The following FAM83C variants were observed in gnomAD, a reference collection of about 807,000 sequenced individuals.
The protein encoded by FAM83C is scaffolding CK1 anchoring protein C, also known as protein FAM83C.
In FAM83C, 23 loss-of-function variants were observed where a neutral mutation model predicts 27.1. The observed-to-expected ratio is 0.85, with a 90% CI of 0.61 to 1.20. The LOEUF is 1.20. FAM83C is among the 50% of genes most tolerant of loss of function. The pLI, the probability that FAM83C is intolerant of heterozygous loss-of-function variation, is 0.00. For synonymous variants in FAM83C, 426 were observed against 423.1 expected (o/e 1.01, Z -0.09); for missense variants, 984 against 1,001.3 (o/e 0.98, Z 0.23).
In FAM83C at chr20:35,286,574, CTTG is replaced by C. The variant is rs759373485; in HGVS notation, c.2202_2204del (p.Asn734del). On this transcript the variant is annotated inframe_deletion, in exon 4 of 4. Coordinates refer to ENST00000374408, the MANE Select transcript of FAM83C (RefSeq NM_178468.6). ...GGCTTCGGAGCTGCTTGAACTTGGA[CTTG>C]TTGTACTTAGTGATGAGGTCCAGTT... The C allele has an allele frequency of 1.8e-5, 29 of 1,613,844 alleles. No homozygotes were observed. The highest frequency in any genetic ancestry group is 8.0e-5 in the African/African-American group (6 of 74,920).
rs765952343 is a variant in FAM83C at position 35,292,083 on chromosome 20, G to C, written c.222C>G (p.Ser74Arg). The change falls in exon 1 of 4, where the codon AGC (serine) becomes AGG (arginine). Residue 74 changes from serine (S) to arginine (R), a missense_variant. Ser to Arg is a moderately radical substitution (Grantham distance 110, BLOSUM62 -1). Transcript: ENST00000374408. ...TGGTCATGTAGTCCACATCCAGGGC[G>C]CTCAGGAAGGGCAGCTCCCGCTCCT... The part of the protein sequence containing the change: ...ISEERELPFL[S>R]ALDVDYMTSH... 3.7e-6 allele frequency: 6 copies of C among 1,609,252 alleles called. No individual in the cohort carries two copies. Among genetic ancestry groups the C allele is most frequent in the Non-Finnish European group, 5.1e-6 (6 of 1,179,942 alleles).
intron 3 of FAM83C, 81 bp from the exon 4 acceptor site, chr20:35,288,053 A>C: frequency 3.2e-6 from 4 of 1,244,774 alleles, no homozygotes; most frequent in Non-Finnish European, 4.5e-6. Flanking sequence ...AGGGGTGCAT[A>C]CCTGGTCCAG....
chr20:35,288,346 G>C, intron 3 of FAM83C, 115 bp downstream of exon 3: 1 of 1,531,920 alleles, frequency 6.5e-7, no homozygotes, highest in Admixed American at 1.9e-5. Flanking sequence ...CATGATGCCT[G>C]GCACATGGCA....
intron 1 of FAM83C, 47 bp from the exon 2 acceptor site, chr20:35,289,005 C>G (rs936556884): frequency 6.4e-7 from 1 of 1,574,116 alleles, no homozygotes; most frequent in Non-Finnish European, 8.6e-7. Context: ...CCAGGGCACT[C>G]CCCACATCCA....
chr20:35,287,803 G>T lies in FAM83C; in HGVS notation c.976C>A (p.Pro326Thr), dbSNP rs548637692. 30 of 1,598,948 alleles carry T rather than the reference G, an allele frequency of 1.9e-5. No individual in the cohort carries two copies. The highest frequency in any genetic ancestry group is 2.2e-5 in the South Asian group (2 of 89,266). Residue 326 changes from proline (P) to threonine (T), a missense_variant, in exon 4 of 4, where the codon CCT becomes ACT. Transcript: ENST00000374408. ...PLSPRALRPP[P>T]VALAFRPDVP... Reference sequence around the variant, plus strand: ...TCAGGCCTGAAGGCTAGGGCCACAGGGGGAGGACGCAGTGCCCGGGGAGAC... The same window carrying T: ...TCAGGCCTGAAGGCTAGGGCCACAGTGGGAGGACGCAGTGCCCGGGGAGAC...
At position 35,287,627 on chromosome 20, in the gene FAM83C, G is replaced by A; in HGVS notation, c.1152C>T (p.Ala384=). The change falls in exon 4 of 4, where the codon GCC becomes GCT. Residue 384 remains alanine, a synonymous_variant. Coordinates refer to ENST00000374408, the MANE Select transcript of FAM83C (RefSeq NM_178468.6). ...AGGGCTGGCCACTGGCCTCACGGCG[G>A]GCAGGACCCAGGGACGAGGACACCA... The part of the protein sequence containing the change: ...TGVVSSSLGP[A]RREASGQPSL... 6.2e-7 allele frequency: 1 copy of A among 1,614,008 alleles called. No homozygotes were observed. Among genetic ancestry groups the A allele is most frequent in the Non-Finnish European group, 8.5e-7 (1 of 1,179,948 alleles).
chr20:35,287,967 G>A lies in FAM83C; in HGVS notation c.812C>T (p.Thr271Ile). 6.4e-7 allele frequency: 1 copy of A among 1,562,886 alleles called. No individual in the cohort carries two copies. Among genetic ancestry groups the A allele is most frequent in the Non-Finnish European group, 8.7e-7 (1 of 1,152,664 alleles). The change falls in exon 4 of 4, where the codon ACC (threonine) becomes ATC (isoleucine). Residue 271 changes from threonine (T) to isoleucine (I), a missense_variant. Transcript: ENST00000374408. ...EQVVAGSYSF[T>I]WLCSQAHTSM... ...AGTGTGGGCCTGGCTGCAAAGCCAGGTGAAGCTGGGGGCAGAGGGACAGGG... is the reference window on the plus strand; with the variant it reads ...AGTGTGGGCCTGGCTGCAAAGCCAGATGAAGCTGGGGGCAGAGGGACAGGG...
rs138143239 is a variant in FAM83C, at chr20:35,287,692, G to A, written c.1087C>T (p.Leu363Phe). ...CAATCACCACCTCCTGGTAGAGCGAGGTAGGAGGAGCGACCCATAAGCGGT... is the reference window on the plus strand; with the variant it reads ...CAATCACCACCTCCTGGTAGAGCGAAGTAGGAGGAGCGACCCATAAGCGGT... ...QSPLMGRSSYLALPGGGDCSD... is the reference protein window; with the variant it reads ...QSPLMGRSSYFALPGGGDCSD... The change falls in exon 4 of 4, where the codon CTC becomes TTC. Residue 363 changes from leucine (L) to phenylalanine (F), a missense_variant. Leu to Phe is a conservative substitution (Grantham distance 22, BLOSUM62 0). Coordinates refer to ENST00000374408, the MANE Select transcript of FAM83C (RefSeq NM_178468.6). The A allele has an allele frequency of 1.9e-6, 3 of 1,614,088 alleles. No homozygotes were observed. The highest frequency in any genetic ancestry group is 1.7e-6 in the Non-Finnish European group (2 of 1,179,974).
intron 1 of FAM83C, among the ~76,000 whole-genome samples, chr20:35,290,172 C>G (rs1413221509): frequency 6.6e-6 from 1 of 152,202 alleles, no homozygotes; most frequent in African/African-American, 2.4e-5. Flanking sequence ...CAAATGGATC[C>G]AAGTTTTCTG....
Position 35,287,763 on chromosome 20 carries a change from G to T in FAM83C, c.1016C>A (p.Thr339Lys), listed in dbSNP as rs145689843. 1.8e-4 allele frequency: 289 copies of T among 1,612,730 alleles called. No homozygotes were observed. Among genetic ancestry groups the T allele is most frequent in the Middle Eastern group, 3.3e-4 (2 of 6,084 alleles). Residue 339 changes from threonine (T) to lysine (K), a missense_variant, in exon 4 of 4, where the codon ACG becomes AAG. Transcript: ENST00000374408. ...GCTGGTGCTGGAGGGCAGGGACGAC[G>T]TGGGGCTTGGGACATCAGGCCTGAA... ...LAFRPDVPSP[T>K]SSLPSSTSLS...
chr20:35,291,813 G>A lies in FAM83C; in HGVS notation c.492C>T (p.Phe164=), dbSNP rs1169362877. Residue 164 remains phenylalanine (F), a synonymous_variant, in exon 1 of 4, where the codon TTC becomes TTT. Transcript: ENST00000374408. ...KAKNIKDLLR[F]LFSQAHTVVA... is the part of the protein sequence containing the mutation. Reference sequence around the variant, plus strand: ...TTACCGTGTGGGCCTGGCTGAAAAGGAAGCGCAGCAGGTCCTTGATGTTCT... The same window carrying A: ...TTACCGTGTGGGCCTGGCTGAAAAGAAAGCGCAGCAGGTCCTTGATGTTCT... The A allele has an allele frequency of 1.2e-6, 2 of 1,614,140 alleles. No individual in the cohort carries two copies. The highest frequency in any genetic ancestry group is 1.7e-6 in the Non-Finnish European group (2 of 1,180,042).
At chr20:35,291,320 A>G (rs2060846232) in intron 1 of FAM83C, among the ~76,000 whole-genome samples, 1 of 152,208 alleles carries the variant, frequency 6.6e-6, no homozygotes, top group Non-Finnish European at 1.5e-5. Context: ...CCTGAGCTCT[A>G]TGTCACCATA....
intron 2 of FAM83C, 93 bp downstream of exon 2, chr20:35,288,698 T>G: frequency 6.7e-7 from 1 of 1,482,978 alleles, no homozygotes; most frequent in Non-Finnish European, 9.2e-7. Context: ...CCACTCCCAG[T>G]GCCCCCCAGT....
At chr20:35,290,875 G>A (rs1004126243) in intron 1 of FAM83C, among the ~76,000 whole-genome samples, 4 of 152,196 alleles carry the variant, frequency 2.6e-5, no homozygotes, top group Non-Finnish European at 4.4e-5. Flanking sequence ...GGCTCTGGAA[G>A]TACCGGTGGG....
In FAM83C at chr20:35,286,415, GTCTGACCTGGGTT is replaced by G; in HGVS notation, c.*107_*119del. 1 of 858,402 alleles carries G rather than the reference GTCTGACCTGGGTT, an allele frequency of 1.2e-6. No individual in the cohort carries two copies. The allele number at this position is 858,402 out of a possible 1,614,324, so 53.2% of individuals were successfully genotyped here. On this transcript the variant is annotated 3_prime_UTR_variant, in exon 4 of 4. Coordinates refer to ENST00000374408, the MANE Select transcript of FAM83C (RefSeq NM_178468.6). Reference sequence around the variant, plus strand: ...CAAGAATCTTGAGCCCAGAGAGTGTGTCTGACCTGGGTTTCTAGACACCTCCCTTCCCCAGTCT... The same window carrying G: ...CAAGAATCTTGAGCCCAGAGAGTGTGTCTAGACACCTCCCTTCCCCAGTCT...
Position 35,286,232 on chromosome 20 carries a change from C to A in FAM83C, c.*303G>T. 1 of 360,902 alleles carries A rather than the reference C, an allele frequency of 2.8e-6. No individual in the cohort carries two copies. Among genetic ancestry groups the A allele is most frequent in the Non-Finnish European group, 5.1e-6 (1 of 197,382 alleles). 22.4% of individuals were successfully genotyped at this position (360,902 alleles called of 1,614,324 possible). ...CCTTTAACTTGATATGGCTCTGACC[C>A]CTTCTCCAGCAGCTTGTGCATTTCA... On this transcript the variant is annotated 3_prime_UTR_variant, in exon 4 of 4. Coordinates refer to ENST00000374408, the MANE Select transcript of FAM83C (RefSeq NM_178468.6).
Position 35,288,834 on chromosome 20 carries a change from A to C in FAM83C, c.638T>G (p.Leu213Arg), listed in dbSNP as rs201580147. 8.1e-6 allele frequency: 13 copies of C among 1,613,734 alleles called. No homozygotes were observed. Among genetic ancestry groups the C allele is most frequent in the Non-Finnish European group, 1.0e-5 (12 of 1,179,894 alleles). The part of the protein sequence containing the change: ...LLAQEHLRHF[L>R]EMCYKMDLNG... The stretch of plus-strand genomic sequence containing the variant: ...GAGGTCCATCTTGTAGCACATCTCC[A>C]GGAAGTGCCTCAGGTGCTCCTGGGC... The change falls in exon 2 of 4, where the codon CTG (leucine) becomes CGG (arginine). Residue 213 changes from leucine (L) to arginine (R), a missense_variant. Transcript: ENST00000374408.
rs1250261661 is a variant in FAM83C, at chr20:35,291,873, G to T, written c.432C>A (p.Thr144=). 2.8e-5 allele frequency: 46 copies of T among 1,614,070 alleles called. No individual in the cohort carries two copies. Among genetic ancestry groups the T allele is most frequent in the Non-Finnish European group, 3.3e-5 (39 of 1,180,028 alleles). ...CCCTCTGGAAGTGGACCACAGCCTG[G>T]GTGGGGCTGAAGCCTGTGGCCTGTG... ...EVPQATGFSP[T]QAVVHFQRDK... Residue 144 remains threonine (T), a synonymous_variant, in exon 1 of 4, where the codon ACC becomes ACA. Coordinates refer to ENST00000374408, the MANE Select transcript of FAM83C (RefSeq NM_178468.6).
rs374992100 is a variant in FAM83C, at chr20:35,286,574, C to G, written c.2205G>C (p.Lys735Asn). Residue 735 changes from lysine (K) to asparagine (N), a missense_variant, in exon 4 of 4, where the codon AAG (lysine) becomes AAC (asparagine). Physicochemically the swap from Lys to Asn is moderately conservative, Grantham distance 94 (BLOSUM62 0). Coordinates refer to ENST00000374408, the MANE Select transcript of FAM83C (RefSeq NM_178468.6). The part of the protein sequence containing the change: ...SKLDLITKYN[K>N]SKFKQLRSRF... Reference sequence around the variant, plus strand: ...GGCTTCGGAGCTGCTTGAACTTGGACTTGTTGTACTTAGTGATGAGGTCCA... The same window carrying G: ...GGCTTCGGAGCTGCTTGAACTTGGAGTTGTTGTACTTAGTGATGAGGTCCA... 1.8e-5 allele frequency: 29 copies of G among 1,613,962 alleles called. No individual in the cohort carries two copies. The South Asian group carries it at 1.9e-4, about 10-fold the overall frequency.
Sources: gnomAD v4.1 joint callset for allele counts (sites outside exome capture counted in the v4.1 genomes callset) on GRCh38, gnomAD v4.1.1 for gene constraint, MANE v1.5 for transcripts, NCBI Gene and HGNC (gene_info 2026-07-23, HGNC 2026-07-21) for gene names.